Variants in GMPR observed in about 807,000 individuals in gnomAD.
GMPR encodes guanosine monophosphate reductase, also known as GMP reductase 1.
Under a neutral mutation model 38.4 loss-of-function variants are expected in GMPR, and 31 were observed. The ratio of observed to expected loss-of-function variants is 0.81; its 90% CI spans 0.61 to 1.09. GMPR has a LOEUF of 1.09. GMPR is among the 50% of genes least tolerant of loss of function. The probability of loss-of-function intolerance (pLI) is 0.00; values close to 1 mark genes in which losing one functional copy is unlikely to be tolerated. For missense variants in GMPR, 468 were observed against 453.7 expected (o/e 1.03, Z -0.29); for synonymous variants, 162 against 173.3 (o/e 0.93, Z 0.51).
chr6:16,264,913 C>A (rs1461575001), intron 4 of GMPR, among the ~76,000 whole-genome samples: 1 of 152,144 alleles, frequency 6.6e-6, no homozygotes, highest in African/African-American at 2.4e-5. Context: ...TAAGATGGGC[C>A]TTGCCACATA....
chr6:16,257,857 G>A (rs938751711), intron 4 of GMPR: 3 of 152,188 alleles, frequency 2.0e-5, no homozygotes, highest in African/African-American at 7.2e-5. Flanking sequence ...CCTCCCAAAG[G>A]CCCTGCCTCC....
intron 4 of GMPR, among the ~76,000 whole-genome samples, chr6:16,270,053 C>T (rs1759351604): frequency 6.6e-6 from 1 of 152,224 alleles, no homozygotes; most frequent in Admixed American, 6.5e-5. Flanking sequence ...GCTAATATCA[C>T]CACCTTGGGA....
intron 6 of GMPR, among the ~76,000 whole-genome samples, chr6:16,284,363 C>T (rs778211314): frequency 1.3e-5 from 2 of 152,230 alleles, no homozygotes; most frequent in African/African-American, 4.8e-5. Flanking sequence ...CATCCCATTT[C>T]CCTGCTCTCC....
intron 5 of GMPR, among the ~76,000 whole-genome samples, chr6:16,278,347 A>C (rs1429771435): frequency 6.6e-6 from 1 of 152,206 alleles, no homozygotes; most frequent in African/African-American, 2.4e-5. Context: ...GAGGTGAGTC[A>C]TTTGACAAAG....
At chr6:16,239,777 G>A (rs2113663667) in intron 1 of GMPR, among the ~76,000 whole-genome samples, 1 of 152,386 alleles carries the variant, frequency 6.6e-6, no homozygotes, top group Non-Finnish European at 1.5e-5. Context: ...AGTGCCTGGG[G>A]CTGCCAGCCG....
chr6:16,239,818 G>T (rs1758611945), intron 1 of GMPR, among the ~76,000 whole-genome samples: 2 of 152,246 alleles, frequency 1.3e-5, no homozygotes, highest in South Asian at 4.1e-4. Context: ...AAGCCTCCGC[G>T]TTAGCCAATG....
At position 16,295,195 on chromosome 6, in the gene GMPR, A is replaced by G. The variant is rs1398064054; in HGVS notation, c.*9A>G. ...ACACCGTGTTCAGCTAACCCTGGGG[A>G]CAAAGCAGCGTCTGGCTCGAGTGGA... On this transcript the variant is annotated 3_prime_UTR_variant, in exon 9 of 9. Coordinates refer to ENST00000259727, the MANE Select transcript of GMPR (RefSeq NM_006877.4). 6.7e-7 allele frequency: 1 copy of G among 1,497,030 alleles called. No homozygotes were observed. Among genetic ancestry groups the G allele is most frequent in the African/African-American group, 1.4e-5 (1 of 68,990 alleles). The allele number at this position is 1,497,030 out of a possible 1,614,324, so 92.7% of individuals were successfully genotyped here. A position where few individuals can be genotyped will look rare whatever the true frequency, so the allele number is the denominator to read the frequency against.
At chr6:16,260,574 T>G (rs938099082) in intron 4 of GMPR, among the ~76,000 whole-genome samples, 1 of 151,970 alleles carries the variant, frequency 6.6e-6, no homozygotes, top group Admixed American at 6.6e-5. Context: ...TGAATAATCC[T>G]TGAGGAGTAG....
chr6:16,270,543 G>T (rs779917905), intron 4 of GMPR, among the ~76,000 whole-genome samples: 1 of 152,180 alleles, frequency 6.6e-6, no homozygotes, highest in Non-Finnish European at 1.5e-5. Context: ...GAGGCTGCTC[G>T]AGGGCACACC....
At chr6:16,251,407 C>A (rs1758873601) in intron 3 of GMPR, among the ~76,000 whole-genome samples, 1 of 152,170 alleles carries the variant, frequency 6.6e-6, no homozygotes, top group African/African-American at 2.4e-5. Flanking sequence ...CCTGTCTTTA[C>A]TAGAAATACA....
At chr6:16,273,671 C>A (rs1178965482) in intron 4 of GMPR, among the ~76,000 whole-genome samples, 1 of 152,182 alleles carries the variant, frequency 6.6e-6, no homozygotes, top group East Asian at 1.9e-4. Flanking sequence ...ACTGCGTTTT[C>A]TAATTCTGAC....
At chr6:16,257,305 G>A (rs1361849389) in intron 4 of GMPR, among the ~76,000 whole-genome samples, 3 of 152,094 alleles carry the variant, frequency 2.0e-5, no homozygotes, top group Non-Finnish European at 4.4e-5. Flanking sequence ...CCTATGTCTC[G>A]CTTCATCAGG....
chr6:16,257,992 T>G (rs1280908482), intron 4 of GMPR: 1 of 152,196 alleles, frequency 6.6e-6, no homozygotes, highest in Non-Finnish European at 1.5e-5. Context: ...GAAATCGCAT[T>G]CTTTCTGAAT....
intron 7 of GMPR, among the ~76,000 whole-genome samples, chr6:16,288,933 C>T (rs1000653111): frequency 2.0e-5 from 3 of 152,224 alleles, no homozygotes; most frequent in Non-Finnish European, 4.4e-5. Flanking sequence ...ATTGTAAACA[C>T]ACCAATCAGC....
At chr6:16,250,231 GA>G (rs1315649826) in intron 2 of GMPR, 52 bp from the exon 3 acceptor site, 7 of 915,738 alleles carry the variant, frequency 7.6e-6, no homozygotes, top group Middle Eastern at 4.2e-4. Flanking sequence ...ATGGAGGAGG[GA>G]GGGGGGCTCT....
chr6:16,278,952 C>G, intron 6 of GMPR, 62 bp downstream of exon 6: 1 of 973,228 alleles, frequency 1.0e-6, no homozygotes, highest in East Asian at 2.4e-5. Flanking sequence ...CCTCGCTGCT[C>G]TTCTTTCACT....
At position 16,272,960 on chromosome 6, in the gene GMPR, G is replaced by A. The variant is rs192835386; in HGVS notation, c.466-1455G>A. Among the ~76,000 whole-genome samples the A allele has an allele frequency of 5.3e-5, 8 of 152,202 alleles. No individual in the cohort carries two copies. The East Asian group carries it at 1.5e-3, about 29-fold the overall frequency. ...TTATAGGCGTGAGCCACTGCACTTG[G>A]CCAAGTTTTTAGTTTTTATGTAGAC... On this transcript the variant is annotated intron_variant, in intron 4 of 8. Coordinates refer to ENST00000259727, the MANE Select transcript of GMPR (RefSeq NM_006877.4).
chr6:16,243,230 T>G (rs1179063643), intron 1 of GMPR, among the ~76,000 whole-genome samples: 1 of 152,222 alleles, frequency 6.6e-6, no homozygotes, highest in African/African-American at 2.4e-5. Context: ...AGGTGGTGAT[T>G]CATGAAGTTT....
In GMPR at chr6:16,270,672, TC is replaced by T. The variant is rs553287739; in HGVS notation, c.466-3741del. On this transcript the variant is annotated intron_variant, in intron 4 of 8. Coordinates refer to ENST00000259727, the MANE Select transcript of GMPR (RefSeq NM_006877.4). ...CAAACTTGAATTGACAGCTTTTTGT[TC>T]CTGCCAATGGAAACTCCCCCGTCCT... 1.1e-3 allele frequency among the ~76,000 whole-genome samples: 169 copies of T among 152,360 alleles called. 1 individual carries two copies. The highest frequency in any genetic ancestry group is 3.9e-3 in the African/African-American group (163 of 41,590).
Sources: gnomAD v4.1 joint callset for allele counts (sites outside exome capture counted in the v4.1 genomes callset) on GRCh38, gnomAD v4.1.1 for gene constraint, MANE v1.5 for transcripts, NCBI Gene and HGNC (gene_info 2026-07-23, HGNC 2026-07-21) for gene names.